IRAK2: variants seen among roughly 807,000 people sequenced by gnomAD.
IRAK2 encodes interleukin-1 receptor-associated kinase-like 2.
IRAK2 carries 57 observed loss-of-function variants against 72.0 expected under a neutral mutation model. The observed-to-expected ratio is 0.79, with a 90% CI of 0.64 to 0.99. The LOEUF (loss-of-function observed/expected upper bound fraction) is 0.99, where lower values mean the gene tolerates loss of function less well. Among genes scored for constraint, IRAK2 ranks in the 50% least tolerant of loss-of-function variants. IRAK2 has a pLI of 0.00. For missense variants in IRAK2, 790 were observed against 794.4 expected (o/e 0.99, Z 0.07); for synonymous variants, 293 against 312.7 (o/e 0.94, Z 0.67).
chr3:10,233,114 A>G (rs1200509917), intron 10 of IRAK2, among the ~76,000 whole-genome samples: 1 of 152,088 alleles, frequency 6.6e-6, no homozygotes, highest in Non-Finnish European at 1.5e-5. Flanking sequence ...CAGTGGCGCA[A>G]TCTTGGCTCA....
Position 10,213,254 on chromosome 3 carries a change from T to C in IRAK2, c.576T>C (p.Ala192=), listed in dbSNP as rs1697551407. 1.2e-6 allele frequency: 2 copies of C among 1,614,048 alleles called. No homozygotes were observed. The highest frequency in any genetic ancestry group is 1.1e-5 in the South Asian group (1 of 91,088). The part of the protein sequence containing the change: ...IPKQEKLLSL[A]GDSLFWSEAD... ...AGCAGGAAAAACTTTTGAGCTTGGC[T>C]GGAGACAGCCTTTTCTGGAGTGAGG... The change falls in exon 5 of 13, where the codon GCT becomes GCC. Residue 192 remains alanine (A), a synonymous_variant. Transcript: ENST00000256458.
At position 10,177,857 on chromosome 3, in the gene IRAK2, C is replaced by A. The variant is rs570931911; in HGVS notation, c.114C>A (p.Asp38Glu). The A allele has an allele frequency of 1.2e-6, 2 of 1,613,270 alleles. No individual in the cohort carries two copies. The highest frequency in any genetic ancestry group is 1.1e-5 in the South Asian group (1 of 91,092). The change falls in exon 2 of 13, where the codon GAC becomes GAA. Residue 38 changes from aspartate (D) to glutamate (E), a missense_variant. Asp to Glu is a conservative substitution (Grantham distance 45). Coordinates refer to ENST00000256458, the MANE Select transcript of IRAK2 (RefSeq NM_001570.4). ...WMEFASYVIT[D>E]LTQLRKIKSM... ...TTCCAGCCTCCTACGTGATCACAGA[C>A]CTGACCCAGCTGCGGAAGATCAAGT... is the stretch of plus-strand genomic sequence containing the variant.
intron 3 of IRAK2, among the ~76,000 whole-genome samples, chr3:10,202,928 G>A (rs1711108): frequency 6.6e-6 from 1 of 151,460 alleles, no homozygotes; most frequent in South Asian, 2.1e-4. Flanking sequence ...GGGATCAAGC[G>A]ATTCTCCCAC....
At chr3:10,173,594 G>A (rs551752906) in intron 1 of IRAK2, among the ~76,000 whole-genome samples, 1 of 152,248 alleles carries the variant, frequency 6.6e-6, no homozygotes, top group East Asian at 1.9e-4. Flanking sequence ...GGCCAAGGAG[G>A]GTGGATCACT....
chr3:10,233,310 G>A (rs554076579), intron 10 of IRAK2, among the ~76,000 whole-genome samples: 43 of 152,044 alleles, frequency 2.8e-4, no homozygotes, highest in African/African-American at 7.7e-4. Context: ...TCTCGGCCTC[G>A]CAAAGTGCTG....
chr3:10,174,316 AT>A (rs763541917), intron 1 of IRAK2, among the ~76,000 whole-genome samples: 4 of 152,034 alleles, frequency 2.6e-5, no homozygotes, highest in Admixed American at 6.6e-5. Flanking sequence ...TCACCAGCCC[AT>A]TTTGTCCAAA....
chr3:10,196,724 T>C lies in IRAK2; in HGVS notation c.278-3645T>C, dbSNP rs183706001. On this transcript the variant is annotated intron_variant, in intron 2 of 12. Coordinates refer to ENST00000256458, the MANE Select transcript of IRAK2 (RefSeq NM_001570.4). ...AGTGCTGCCTGCCTCCCTGTTTCCC[T>C]TGGGCAGGTCTTGTTCCCCGCTGAG... Among the ~76,000 whole-genome samples the C allele has an allele frequency of 5.9e-5, 9 of 152,330 alleles. No homozygotes were observed. The East Asian group carries it at 1.5e-3, about 26-fold the overall frequency.
intron 3 of IRAK2, among the ~76,000 whole-genome samples, chr3:10,204,062 C>A (rs1697402175): frequency 6.6e-6 from 1 of 152,236 alleles, no homozygotes; most frequent in Non-Finnish European, 1.5e-5. Context: ...GGAGAGGCCA[C>A]TGGGCTATCA....
At chr3:10,224,588 C>T (rs1245398398) in intron 9 of IRAK2, among the ~76,000 whole-genome samples, 1 of 150,312 alleles carries the variant, frequency 6.7e-6, no homozygotes, top group Non-Finnish European at 1.5e-5. Flanking sequence ...CCCACCTTTA[C>T]ACCCTCCTTC....
At chr3:10,189,889 T>C (rs918280347) in intron 2 of IRAK2, among the ~76,000 whole-genome samples, 3 of 152,092 alleles carry the variant, frequency 2.0e-5, no homozygotes, top group Non-Finnish European at 4.4e-5. Flanking sequence ...ATCCAGACCC[T>C]GCCCACTGCA....
intron 7 of IRAK2, 111 bp from the exon 8 acceptor site, chr3:10,219,569 G>A: frequency 1.4e-6 from 1 of 720,346 alleles, no homozygotes; most frequent in Non-Finnish European, 2.4e-6. Flanking sequence ...CTGCCTGCCT[G>A]GGCCTCCCAG....
chr3:10,212,611 C>A (rs894928653), intron 4 of IRAK2, among the ~76,000 whole-genome samples: 1 of 152,122 alleles, frequency 6.6e-6, no homozygotes, highest in East Asian at 1.9e-4. Context: ...ATACTCACAT[C>A]TTAGTCTTCA....
chr3:10,211,273 C>G (rs764883585), intron 4 of IRAK2, among the ~76,000 whole-genome samples: 1 of 152,036 alleles, frequency 6.6e-6, no homozygotes, highest in Non-Finnish European at 1.5e-5. Context: ...TCCTGAGTAT[C>G]CGGGATTATA....
intron 3 of IRAK2, among the ~76,000 whole-genome samples, chr3:10,206,448 C>T (rs1015393606): frequency 6.6e-6 from 1 of 152,234 alleles, no homozygotes. Context: ...AGGGCAGCCC[C>T]TTGACAGGCT....
At position 10,166,762 on chromosome 3, in the gene IRAK2, A is replaced by G. The variant is rs565912171; in HGVS notation, c.94+1714A>G. 6.4e-4 allele frequency among the ~76,000 whole-genome samples: 98 copies of G among 152,034 alleles called. 1 individual carries two copies. Among genetic ancestry groups the G allele is most frequent in the Admixed American group, 2.5e-3 (38 of 15,168 alleles). ...TGGATTCAAGTGATTCTCTTGCCTC[A>G]GCCTCCCGAGTAGCTGGGATTACAG... On this transcript the variant is annotated intron_variant, in intron 1 of 12. Transcript: ENST00000256458.
Position 10,242,434 on chromosome 3 carries a change from C to G in IRAK2, c.*206C>G, listed in dbSNP as rs1009944351. 1 of 382,960 alleles carries G rather than the reference C, an allele frequency of 2.6e-6. No individual in the cohort carries two copies. The highest frequency in any genetic ancestry group is 4.6e-5 in the South Asian group (1 of 21,624). 23.7% of individuals were successfully genotyped at this position (382,960 alleles called of 1,614,324 possible). Reference sequence around the variant, plus strand: ...TTAGAGACACAAAAATCCATGAAGTCTCTTCCTTTCTGGGCTTTGTTAGTC... The same window carrying G: ...TTAGAGACACAAAAATCCATGAAGTGTCTTCCTTTCTGGGCTTTGTTAGTC... On this transcript the variant is annotated 3_prime_UTR_variant, in exon 13 of 13. Transcript: ENST00000256458.
Position 10,241,768 on chromosome 3 carries a change from G to A in IRAK2, c.1766-348G>A, listed in dbSNP as rs180772358. 2.8e-4 allele frequency among the ~76,000 whole-genome samples: 40 copies of A among 140,754 alleles called. No homozygotes were observed. The East Asian group carries it at 5.7e-3, about 20-fold the overall frequency. The allele number at this position is 140,754 out of a possible 152,430, so 92.3% of individuals were successfully genotyped here. A position where few individuals can be genotyped will look rare whatever the true frequency, so the allele number is the denominator to read the frequency against. On this transcript the variant is annotated intron_variant, in intron 12 of 12. Transcript: ENST00000256458. ...CACAAAAAAATTAACTGTGTGTGTC[G>A]TCCAGCCTGAGCAACAGAGTGAGAC... is the stretch of plus-strand genomic sequence containing the variant.
intron 1 of IRAK2, among the ~76,000 whole-genome samples, chr3:10,165,680 G>C (rs1696672619): frequency 7.0e-6 from 1 of 143,730 alleles, no homozygotes; most frequent in African/African-American, 2.6e-5. Flanking sequence ...ATTTTCAGTA[G>C]AGACCGGGTT....
intron 12 of IRAK2, among the ~76,000 whole-genome samples, chr3:10,241,611 C>A (rs1575995853): frequency 1.5e-5 from 2 of 133,366 alleles, no homozygotes; most frequent in South Asian, 5.5e-4. Context: ...TGCTGTGGCT[C>A]ACAGGCCGGG....
Sources: allele counts gnomAD v4.1 joint callset (sites outside exome capture counted in the v4.1 genomes callset), GRCh38; gene constraint gnomAD v4.1.1; transcripts MANE v1.5; gene names NCBI Gene and HGNC (gene_info 2026-07-23, HGNC 2026-07-21).